Variants in BACH2 observed in about 807,000 individuals in gnomAD.
The protein encoded by BACH2 is BACH transcriptional regulator 2.
A neutral mutation model predicts 61.8 loss-of-function variants in BACH2; 5 were observed. That is an observed-to-expected ratio of 0.08 (90% CI 0.04 to 0.17). The LOEUF (loss-of-function observed/expected upper bound fraction) is 0.17. Among genes scored for constraint, BACH2 ranks in the 10% least tolerant of loss-of-function variants. The probability of loss-of-function intolerance (pLI) is 1.00; values close to 1 mark genes in which losing one functional copy is unlikely to be tolerated. For missense variants in BACH2, 824 were observed against 1,091.1 expected (o/e 0.76, Z 3.45); for synonymous variants, 446 against 440.1 (o/e 1.01, Z -0.17).
Position 90,014,420 on chromosome 6 carries a change from T to TTGTG in BACH2, c.-12-5568_-12-5565dup, listed in dbSNP as rs764203742. On this transcript the variant is annotated intron_variant, in intron 5 of 8. Coordinates refer to ENST00000257749, the MANE Select transcript of BACH2 (RefSeq NM_021813.4). ...AATTGTCAAATTTATTGGCATAAAA[T>TTGTG]TGTGTGTGTGTGTGTGTGTGTATAT... Among the ~76,000 whole-genome samples, 173 of 76,796 alleles carry TTGTG rather than the reference T, an allele frequency of 2.3e-3. 4 individuals carry two copies. Among genetic ancestry groups the TTGTG allele is most frequent in the Middle Eastern group, 0.02 (2 of 100 alleles). 50.4% of individuals were successfully genotyped at this position (76,796 alleles called of 152,430 possible). A position where few individuals can be genotyped will look rare whatever the true frequency, so the allele number is the denominator to read the frequency against.
At chr6:89,989,601 G>A (rs967845998) in intron 6 of BACH2, among the ~76,000 whole-genome samples, 2 of 152,098 alleles carry the variant, frequency 1.3e-5, no homozygotes, top group African/African-American at 4.8e-5. Context: ...TGCAGGAGAA[G>A]GTCCTCCTGG....
intron 5 of BACH2, among the ~76,000 whole-genome samples, chr6:90,026,918 G>C (rs1778665493): frequency 6.6e-6 from 1 of 152,122 alleles, no homozygotes; most frequent in African/African-American, 2.4e-5. Flanking sequence ...GGTTCACCCG[G>C]TAACTAAGAA....
intron 5 of BACH2, among the ~76,000 whole-genome samples, chr6:90,020,805 C>T (rs1418738657): frequency 6.6e-6 from 1 of 152,140 alleles, no homozygotes; most frequent in Non-Finnish European, 1.5e-5. Context: ...CTCCTCCATG[C>T]AGCAAATCCT....
intron 3 of BACH2, among the ~76,000 whole-genome samples, chr6:90,247,917 G>A (rs1382245381): frequency 6.6e-6 from 1 of 152,054 alleles, no homozygotes; most frequent in Admixed American, 6.6e-5. Flanking sequence ...CATCCCTACA[G>A]CATTCTGTAT....
intron 2 of BACH2, among the ~76,000 whole-genome samples, chr6:90,264,499 G>GA (rs1412670513): frequency 6.6e-6 from 1 of 152,082 alleles, no homozygotes; most frequent in Admixed American, 6.6e-5. Flanking sequence ...AAAAGGAAAA[G>GA]AAAAAAATTT....
intron 4 of BACH2, among the ~76,000 whole-genome samples, chr6:90,103,758 C>G (rs1020004012): frequency 6.6e-6 from 1 of 152,116 alleles, no homozygotes; most frequent in African/African-American, 2.4e-5. Context: ...AGATTTCATG[C>G]TTTTCTGTCA....
chr6:90,104,403 C>T (rs1337977061), intron 4 of BACH2: 1 of 152,238 alleles, frequency 6.6e-6, no homozygotes, highest in Non-Finnish European at 1.5e-5. Flanking sequence ...TGCCAACTCG[C>T]TCTGGCCCTT....
At chr6:90,094,790 C>T (rs768685724) in intron 4 of BACH2, among the ~76,000 whole-genome samples, 5 of 152,134 alleles carry the variant, frequency 3.3e-5, no homozygotes, top group Admixed American at 3.3e-4. Context: ...CTTCACCATG[C>T]CACTTCTGGT....
chr6:90,215,951 A>G (rs1187068635), intron 3 of BACH2, among the ~76,000 whole-genome samples: 2 of 152,192 alleles, frequency 1.3e-5, no homozygotes, highest in African/African-American at 4.8e-5. Context: ...TTCTGTGGAA[A>G]GGAATCTGCC....
intron 3 of BACH2, among the ~76,000 whole-genome samples, chr6:90,235,631 G>A (rs907997148): frequency 3.3e-5 from 5 of 152,138 alleles, no homozygotes; most frequent in South Asian, 2.1e-4. Flanking sequence ...GAGCCTGGGC[G>A]ATATAGTGAG....
chr6:90,281,865 T>G (rs949217320), intron 1 of BACH2, among the ~76,000 whole-genome samples: 3 of 152,124 alleles, frequency 2.0e-5, no homozygotes, highest in African/African-American at 7.2e-5. Context: ...GATGTACAGA[T>G]GAGAAAACTA....
At chr6:89,947,420 G>A (rs186016824) in intron 7 of BACH2, among the ~76,000 whole-genome samples, 1 of 152,278 alleles carries the variant, frequency 6.6e-6, no homozygotes, top group Admixed American at 6.5e-5. Context: ...GGAAAACTAA[G>A]ATGTCAAATT....
intron 5 of BACH2, among the ~76,000 whole-genome samples, chr6:90,072,728 C>A (rs966862071): frequency 6.6e-6 from 1 of 152,160 alleles, no homozygotes; most frequent in Non-Finnish European, 1.5e-5. Context: ...TTCACAAATC[C>A]ATTCTATCAA....
chr6:90,143,127 G>A (rs961879581), intron 4 of BACH2, among the ~76,000 whole-genome samples: 6 of 152,170 alleles, frequency 3.9e-5, no homozygotes, highest in Non-Finnish European at 7.3e-5. Context: ...TGGAGGGAAC[G>A]AGACAGTGAC....
At chr6:90,032,618 A>T (rs571900244) in intron 5 of BACH2, among the ~76,000 whole-genome samples, 1 of 151,980 alleles carries the variant, frequency 6.6e-6, no homozygotes, top group Non-Finnish European at 1.5e-5. Context: ...GCTCATCATC[A>T]CTGGCCATCA....
intron 6 of BACH2, among the ~76,000 whole-genome samples, chr6:89,974,643 A>G (rs748726832): frequency 2.6e-5 from 4 of 152,202 alleles, no homozygotes; most frequent in Non-Finnish European, 5.9e-5. Context: ...ATACGTAAAA[A>G]TTACTGTCCC....
intron 4 of BACH2, among the ~76,000 whole-genome samples, chr6:90,099,192 G>T (rs1205028056): frequency 6.6e-6 from 1 of 152,128 alleles, no homozygotes; most frequent in Non-Finnish European, 1.5e-5. Flanking sequence ...GGCAGGTCGT[G>T]CCACTCTCTG....
intron 3 of BACH2, among the ~76,000 whole-genome samples, chr6:90,216,468 G>A (rs772793743): frequency 2.6e-5 from 4 of 152,144 alleles, no homozygotes; most frequent in Admixed American, 2.6e-4. Flanking sequence ...CGGCTCAGAC[G>A]GTGGGGTCAT....
intron 5 of BACH2, among the ~76,000 whole-genome samples, chr6:90,019,290 G>A (rs1778251289): frequency 6.6e-6 from 1 of 152,178 alleles, no homozygotes; most frequent in African/African-American, 2.4e-5. Context: ...CACCAAGATA[G>A]AAGCTTGTGT....
Sources: gnomAD v4.1 joint callset for allele counts (sites outside exome capture counted in the v4.1 genomes callset) on GRCh38, gnomAD v4.1.1 for gene constraint, MANE v1.5 for transcripts, NCBI Gene and HGNC (gene_info 2026-07-23, HGNC 2026-07-21) for gene names.